The following MIDEAS variants were observed in gnomAD, a reference collection of about 807,000 sequenced individuals.
MIDEAS encodes mitotic deacetylase associated SANT domain protein.
Under a neutral mutation model 102.7 loss-of-function variants are expected in MIDEAS, and 26 were observed. That is an observed-to-expected ratio of 0.25 (90% CI 0.19 to 0.35). The LOEUF is 0.35. Among genes scored for constraint, MIDEAS ranks in the 10% least tolerant of loss-of-function variants. The pLI is 1.00. For missense variants in MIDEAS, 1,231 were observed against 1,435.6 expected (o/e 0.86, Z 2.30); for synonymous variants, 585 against 591.0 (o/e 0.99, Z 0.15).
rs1001024910 is a variant in MIDEAS at position 73,723,758 on chromosome 14, A to G, written c.2575-911T>C. 6.6e-5 allele frequency: 10 copies of G among 152,308 alleles called. No homozygotes were observed. The East Asian group carries it at 9.7e-4, about 15-fold the overall frequency. The allele number at this position is 152,308 out of a possible 1,614,324, so 9.4% of individuals were successfully genotyped here. A position where few individuals can be genotyped will look rare whatever the true frequency, so the allele number is the denominator to read the frequency against. On this transcript the variant is annotated intron_variant, in intron 9 of 12. Transcript: ENST00000423556. ...TTTCCTCTAAGTTTGAAATTTTTCA[A>G]ACTGAAAAGTTGAGGGAAAAGGTCT...
chr14:73,739,250 T>TTGG lies in MIDEAS; in HGVS notation c.758_759insCCA (p.Gln252_Gln253insHis), dbSNP rs1555343667. ...GCTGCTGCTGCTGCTGCTGCTGTGG[T>TTGG]TGCTGCTGCTGCTGCTGCTTCTGTG... On this transcript the variant is annotated inframe_insertion, in exon 2 of 13. Coordinates refer to ENST00000423556, the MANE Select transcript of MIDEAS (RefSeq NM_001367710.1). 9 of 1,604,510 alleles carry TTGG rather than the reference T, an allele frequency of 5.6e-6. No individual in the cohort carries two copies. The highest frequency in any genetic ancestry group is 6.8e-6 in the Non-Finnish European group (8 of 1,177,780).
intron 2 of MIDEAS, 128 bp from the exon 3 acceptor site, chr14:73,737,425 A>C: frequency 9.3e-7 from 1 of 1,070,248 alleles, no homozygotes; most frequent in Non-Finnish European, 1.3e-6. Flanking sequence ...CAAGTTCAAG[A>C]CCAGCCTGGG....
intron 1 of MIDEAS, among the ~76,000 whole-genome samples, chr14:73,770,767 A>T (rs938236758): frequency 1.3e-5 from 2 of 152,134 alleles, no homozygotes; most frequent in African/African-American, 4.8e-5. Flanking sequence ...CACCATTTAT[A>T]GCATTGTTTC....
At chr14:73,765,001 G>A (rs1459280277), upstream of MIDEAS, among the ~76,000 whole-genome samples, 2 of 152,246 alleles carry the variant, frequency 1.3e-5, no homozygotes, top group Non-Finnish European at 2.9e-5. Flanking sequence ...GCCAGGGAGG[G>A]CAGGCCAGCA....
intron 1 of MIDEAS, among the ~76,000 whole-genome samples, chr14:73,775,512 G>C (rs1029038811): frequency 1.3e-5 from 2 of 152,138 alleles, no homozygotes; most frequent in South Asian, 4.2e-4. Context: ...CCCTCGGGGA[G>C]CCAACCAGGC....
In MIDEAS at chr14:73,752,494, C is replaced by T. The variant is rs190494378; in HGVS notation, c.-248+7269G>A. 1.8e-3 allele frequency among the ~76,000 whole-genome samples: 275 copies of T among 152,220 alleles called. 1 individual carries two copies. The highest frequency in any genetic ancestry group is 7.8e-3 in the Admixed American group (119 of 15,300). The stretch of plus-strand genomic sequence containing the variant: ...CCTGGTGCTTGGGGGTTGGATGGGT[C>T]GGTGTCTGGCAGTGTAGTGTGAGAG... On this transcript the variant is annotated intron_variant, in intron 1 of 12. Transcript: ENST00000423556.
chr14:73,788,415 G>A (rs554226574), upstream of MIDEAS, among the ~76,000 whole-genome samples: 1 of 152,264 alleles, frequency 6.6e-6, no homozygotes, highest in Admixed American at 6.5e-5. Context: ...GCTTTGTTCA[G>A]AAAGGTGGAT....
Position 73,739,358 on chromosome 14 carries a change from G to A in MIDEAS, c.651C>T (p.Phe217=), listed in dbSNP as rs774676678. The A allele has an allele frequency of 2.5e-6, 4 of 1,599,760 alleles. No individual in the cohort carries two copies. The South Asian group carries it at 3.4e-5, about 13-fold the overall frequency. Residue 217 remains phenylalanine, a synonymous_variant, in exon 2 of 13, where the codon TTC becomes TTT. Coordinates refer to ENST00000423556, the MANE Select transcript of MIDEAS (RefSeq NM_001367710.1). ...TCACCTGGTGGCCGAATGCCAGCTG[G>A]AAGGGTTGCAGGGGCAGTGACTGGT... ...PPNQSLPLQP[F]QLAFGHQVNR...
chr14:73,757,487 C>A (rs1383270982), intron 1 of MIDEAS, among the ~76,000 whole-genome samples: 1 of 152,106 alleles, frequency 6.6e-6, no homozygotes, highest in African/African-American at 2.4e-5. Context: ...GCAGTATGTA[C>A]ACAAATAACT....
At chr14:73,728,893 A>G in intron 4 of MIDEAS, 1 of 152,350 alleles carries the variant, frequency 6.6e-6, no homozygotes, top group East Asian at 1.9e-4. Context: ...CCTAGGGCAA[A>G]CATTTTGCAT....
intron 1 of MIDEAS, among the ~76,000 whole-genome samples, chr14:73,780,096 C>G (rs12589511): frequency 0.77 from 114,587 of 149,700 alleles, 44,532 homozygotes; most frequent in African/African-American, 0.91. Context: ...GGATGGTCTC[C>G]ATCTCCCGAC....
Position 73,725,983 on chromosome 14 carries a change from T to C in MIDEAS, c.2485+50A>G, listed in dbSNP as rs1175325786. ...GCACTGAGCAGGGCCCCATGGATGC[T>C]GGAGACCTCTTGAGGCTCCAGGCAC... is the stretch of plus-strand genomic sequence containing the variant. On this transcript the variant is annotated intron_variant, in intron 8 of 12. Coordinates refer to ENST00000423556, the MANE Select transcript of MIDEAS (RefSeq NM_001367710.1). The surrounding 1 kb of genome is among the most constrained non-coding windows in gnomAD (Gnocchi z 4.1). 6.8e-7 allele frequency: 1 copy of C among 1,478,718 alleles called. No homozygotes were observed. The highest frequency in any genetic ancestry group is 2.0e-5 in the Admixed American group (1 of 51,100). 91.6% of individuals were successfully genotyped at this position (1,478,718 alleles called of 1,614,324 possible).
intron 1 of MIDEAS, among the ~76,000 whole-genome samples, chr14:73,743,444 G>A (rs994727154): frequency 2.0e-5 from 3 of 152,130 alleles, no homozygotes; most frequent in Non-Finnish European, 2.9e-5. Context: ...TCTAGCCCCC[G>A]ATCTAGGCCT....
chr14:73,726,432 G>A lies in MIDEAS; in HGVS notation c.2409+172C>T, dbSNP rs114175928. On this transcript the variant is annotated intron_variant, in intron 7 of 12. Transcript: ENST00000423556. ...AGGAGGACACTGCACAGCAAAACCC[G>A]GGGTCTGAAACTAGGGCTCCCTTGG... Among the ~76,000 whole-genome samples, 868 of 152,346 alleles carry A rather than the reference G, an allele frequency of 5.7e-3. 8 individuals are homozygous for A. The highest frequency in any genetic ancestry group is 0.02 in the African/African-American group (833 of 41,572).
At position 73,741,868 on chromosome 14, in the gene MIDEAS, T is replaced by C. The variant is rs75911058; in HGVS notation, c.-247-1613A>G. Among the ~76,000 whole-genome samples, 647 of 152,160 alleles carry C rather than the reference T, an allele frequency of 4.3e-3. 2 individuals are homozygous for C. The highest frequency in any genetic ancestry group is 0.015 in the African/African-American group (625 of 41,502). On this transcript the variant is annotated intron_variant, in intron 1 of 12. Transcript: ENST00000423556. ...GCCTTTGTCTTTTCATATATGAAGC[T>C]GGAGGGAGGGAGAGGCACAGAGACT...
At chr14:73,730,814 C>T (rs926310601) in intron 3 of MIDEAS, among the ~76,000 whole-genome samples, 10 of 152,060 alleles carry the variant, frequency 6.6e-5, no homozygotes, top group Admixed American at 3.9e-4. Context: ...AAAAATTAGC[C>T]GGGCATGGTG....
At chr14:73,724,981 C>T (rs769666200) in intron 9 of MIDEAS, 6 of 299,878 alleles carry the variant, frequency 2.0e-5, no homozygotes, top group Middle Eastern at 1.2e-3. Flanking sequence ...CACCCTCCTC[C>T]GCATCTTCCT....
chr14:73,768,119 C>T (rs142802288), intron 1 of MIDEAS, among the ~76,000 whole-genome samples: 1 of 152,198 alleles, frequency 6.6e-6, no homozygotes, highest in African/African-American at 2.4e-5. Flanking sequence ...GAGATCACAC[C>T]GCCGCACTCA....
chr14:73,721,280 A>G lies in MIDEAS; in HGVS notation c.2937+17T>C, dbSNP rs780672964. On this transcript the variant is annotated intron_variant, in intron 11 of 12. Transcript: ENST00000423556. ...ACCCTGCTTGCCCTGGGCTCAGCCC[A>G]TGGTGGTCACACTCACCGACTCATT... 3 of 1,610,174 alleles carry G rather than the reference A, an allele frequency of 1.9e-6. No homozygotes were observed. The highest frequency in any genetic ancestry group is 1.7e-5 in the Admixed American group (1 of 60,018).
Sources: gnomAD v4.1 joint callset for allele counts (sites outside exome capture counted in the v4.1 genomes callset) on GRCh38, gnomAD v4.1.1 for gene constraint, Gnocchi (gnomAD v3.1) non-coding constraint, MANE v1.5 for transcripts, NCBI Gene and HGNC (gene_info 2026-07-23, HGNC 2026-07-21) for gene names.